The following ARHGAP5 variants were observed in gnomAD, a reference collection of about 807,000 sequenced individuals.
ARHGAP5 encodes Rho GTPase activating protein 5.
A neutral mutation model predicts 116.6 loss-of-function variants in ARHGAP5; 23 were observed. The ratio of observed to expected loss-of-function variants is 0.20; its 90% CI spans 0.14 to 0.28. The LOEUF is 0.28. Among genes scored for constraint, ARHGAP5 ranks in the 10% least tolerant of loss-of-function variants. The pLI is 1.00. For missense variants in ARHGAP5, 1,405 were observed against 1,774.8 expected, an observed-to-expected ratio of 0.79 and a Z score of 3.74; for synonymous variants, 574 against 602.0, an observed-to-expected ratio of 0.95 and a Z score of 0.68.
intron 3 of ARHGAP5, among the ~76,000 whole-genome samples, chr14:32,121,768 C>A (rs541720221): frequency 6.6e-6 from 1 of 151,544 alleles, no homozygotes; most frequent in East Asian, 1.9e-4. Flanking sequence ...CCACTCTCAC[C>A]CCCCCATCAA....
At chr14:32,117,338 A>C in intron 3 of ARHGAP5, 51 bp downstream of exon 3, 1 of 1,467,968 alleles carries the variant, frequency 6.8e-7, no homozygotes, top group Non-Finnish European at 9.3e-7. Context: ...TTCACTTTTG[A>C]TACACCAACA....
chr14:32,091,723 A>G lies in ARHGAP5; in HGVS notation c.1054A>G (p.Asn352Asp). ...AAGAGCTTTTAACACTCTTTTGCCA[A>G]ATCTAGAAGAGATTGAACATTTGAA... ...LPRAFNTLLPNLEEIEHLNWS... is the reference protein window; with the variant it reads ...LPRAFNTLLPDLEEIEHLNWS... Residue 352 changes from asparagine (N) to aspartate (D), a missense_variant, in exon 2 of 7, where the codon AAT becomes GAT. This residue lies in a region of ARHGAP5 where 944 missense variants were observed against 1,095.3 expected (regional missense o/e 0.86). Transcript: ENST00000345122. 2 of 1,611,546 alleles carry G rather than the reference A, an allele frequency of 1.2e-6. No homozygotes were observed. Among genetic ancestry groups the G allele is most frequent in the Non-Finnish European group, 8.5e-7 (1 of 1,179,228 alleles).
chr14:32,128,137 G>C (rs1191496321), intron 3 of ARHGAP5, among the ~76,000 whole-genome samples: 1 of 151,392 alleles, frequency 6.6e-6, no homozygotes, highest in African/African-American at 2.4e-5. Flanking sequence ...CGGCCAGGCA[G>C]AGACGCTTCT....
At position 32,141,192 on chromosome 14, in the gene ARHGAP5, G is replaced by A. The variant is rs951182493; in HGVS notation, c.3866-5071G>A. ...TCTATCCTTTTACGTTCAACATATT[G>A]TGTCTTTGGTACTGTAGTGATTGTC... On this transcript the variant is annotated intron_variant, in intron 3 of 6. Transcript: ENST00000345122. Among the ~76,000 whole-genome samples the A allele has an allele frequency of 2.0e-5, 3 of 152,032 alleles. No individual in the cohort carries two copies. The South Asian group carries it at 6.2e-4, about 32-fold the overall frequency.
At chr14:32,110,623 C>T (rs1056134681) in intron 2 of ARHGAP5, among the ~76,000 whole-genome samples, 1 of 152,122 alleles carries the variant, frequency 6.6e-6, no homozygotes, top group African/African-American at 2.4e-5. Flanking sequence ...CCAAGGCATG[C>T]AGATTGTACA....
chr14:32,115,663 C>CAA (rs60051497), intron 2 of ARHGAP5, among the ~76,000 whole-genome samples: 565 of 39,860 alleles, frequency 0.014, 18 homozygotes, highest in African/African-American at 0.04. Context: ...GACTCCGTCT[C>CAA]AAAAAAAAAA....
chr14:32,085,994 T>C (rs549178720), intron 1 of ARHGAP5, among the ~76,000 whole-genome samples: 7 of 152,318 alleles, frequency 4.6e-5, no homozygotes, highest in African/African-American at 1.2e-4. Context: ...GTAGCTGTTA[T>C]GTGGGAGGCA....
rs1350442940 is a variant in ARHGAP5 at position 32,077,401 on chromosome 14, G to A, written c.-203G>A. The A allele has an allele frequency of 1.4e-6, 1 of 704,982 alleles. No individual in the cohort carries two copies. 43.7% of individuals were successfully genotyped at this position (704,982 alleles called of 1,614,324 possible). On this transcript the variant is annotated 5_prime_UTR_variant, in exon 1 of 7. Transcript: ENST00000345122. ...CGCCGCCACCGCCGGGGCCGCTGCC[G>A]TTGAGGAGGAGACGGAGGAGACCGA...
In ARHGAP5 at chr14:32,158,196, TC is replaced by T. The variant is rs1881980879; in HGVS notation, c.*3249del. On this transcript the variant is annotated 3_prime_UTR_variant, in exon 7 of 7. Coordinates refer to ENST00000345122, the MANE Select transcript of ARHGAP5 (RefSeq NM_001030055.2). The stretch of plus-strand genomic sequence containing the variant: ...ATTGGTAAAAATTAGCTAATTTTTT[TC>T]AAGTGAAATGAAAAATAAAAATATA... The T allele has an allele frequency of 6.6e-6, 1 of 151,774 alleles. No individual in the cohort carries two copies. Among genetic ancestry groups the T allele is most frequent in the Non-Finnish European group, 1.5e-5 (1 of 67,742 alleles). The allele number at this position is 151,774 out of a possible 1,614,324, so 9.4% of individuals were successfully genotyped here.
intron 6 of ARHGAP5, among the ~76,000 whole-genome samples, chr14:32,153,406 C>CAAAAAAAAAAAAAAAAAAAAA: frequency 6.6e-5 from 1 of 15,144 alleles, no homozygotes; most frequent in Non-Finnish European, 1.4e-4. Flanking sequence ...GACTCTGTCT[C>CAAAAAAAAAAAAAAAAAAAAA]AAAAAAAAAA....
At chr14:32,147,018 A>G (rs909315697) in intron 4 of ARHGAP5, among the ~76,000 whole-genome samples, 15 of 152,224 alleles carry the variant, frequency 9.9e-5, no homozygotes, top group Non-Finnish European at 2.2e-4. Context: ...CTGAACCTGT[A>G]TAAATCCATC....
intron 1 of ARHGAP5, among the ~76,000 whole-genome samples, chr14:32,088,250 A>G (rs1239028866): frequency 1.3e-5 from 2 of 151,904 alleles, no homozygotes; most frequent in Non-Finnish European, 2.9e-5. Context: ...AAAGAGTTAT[A>G]TTTCATTATG....
Position 32,154,668 on chromosome 14 carries a change from C to G in ARHGAP5, c.4229C>G (p.Ser1410Cys). 1 of 1,613,912 alleles carries G rather than the reference C, an allele frequency of 6.2e-7. No individual in the cohort carries two copies. The highest frequency in any genetic ancestry group is 8.5e-7 in the Non-Finnish European group (1 of 1,179,836). ...KINLMTADNL[S>C]ICFWPTLMRP... ...AACCTAATGACAGCAGACAACTTAT[C>G]CATCTGTTTTTGGCCAACCTTGATG... The change falls in exon 7 of 7, where the codon TCC becomes TGC. Residue 1410 changes from serine (S) to cysteine (C), a missense_variant. Physicochemically the swap from Ser to Cys is moderately radical, Grantham distance 112. Coordinates refer to ENST00000345122, the MANE Select transcript of ARHGAP5 (RefSeq NM_001030055.2).
intron 2 of ARHGAP5, among the ~76,000 whole-genome samples, chr14:32,111,657 G>A (rs1879304472): frequency 6.6e-6 from 1 of 152,080 alleles, no homozygotes; most frequent in Non-Finnish European, 1.5e-5. Context: ...GTGTTTTGTG[G>A]TGTGTATAAT....
intron 2 of ARHGAP5, among the ~76,000 whole-genome samples, chr14:32,103,764 A>C (rs1878891160): frequency 6.6e-6 from 1 of 152,090 alleles, no homozygotes; most frequent in Non-Finnish European, 1.5e-5. Flanking sequence ...ATCTCAGCTA[A>C]AGTGTGGATG....
intron 2 of ARHGAP5, among the ~76,000 whole-genome samples, chr14:32,114,227 CAA>C (rs543034265): frequency 7.2e-6 from 1 of 139,332 alleles, no homozygotes; most frequent in Non-Finnish European, 1.6e-5. Context: ...GACTCCGTCT[CAA>C]AAAAAAAAAA....
intron 5 of ARHGAP5, among the ~76,000 whole-genome samples, chr14:32,150,605 A>G (rs562857752): frequency 6.6e-5 from 10 of 152,284 alleles, no homozygotes; most frequent in Admixed American, 2.0e-4. Flanking sequence ...CTCTTTTATC[A>G]GGAACTCATT....
chr14:32,108,338 A>G (rs377756613), intron 2 of ARHGAP5, among the ~76,000 whole-genome samples: 9 of 152,122 alleles, frequency 5.9e-5, no homozygotes, highest in African/African-American at 2.2e-4. Flanking sequence ...GTATATGTTC[A>G]TAGGAGAGGG....
At position 32,093,306 on chromosome 14, in the gene ARHGAP5, A is replaced by G. The variant is rs754375160; in HGVS notation, c.2637A>G (p.Val879=). Reference sequence around the variant, plus strand: ...CAGAAGTTCAAGACACCATTCCTGTACAGCTGGTGGCAGTTACTGACAGCC... The same window carrying G: ...CAGAAGTTCAAGACACCATTCCTGTGCAGCTGGTGGCAGTTACTGACAGCC... ...FLSEVQDTIP[V]QLVAVTDSQA... is the part of the protein sequence containing the mutation. Residue 879 remains valine, a synonymous_variant, in exon 2 of 7, where the codon GTA becomes GTG. Transcript: ENST00000345122. 1.9e-6 allele frequency: 3 copies of G among 1,613,840 alleles called. No homozygotes were observed. Among genetic ancestry groups the G allele is most frequent in the African/African-American group, 1.3e-5 (1 of 74,922 alleles).
Sources: allele counts gnomAD v4.1 joint callset (sites outside exome capture counted in the v4.1 genomes callset), GRCh38; gene constraint gnomAD v4.1.1; regional missense constraint gnomAD v4.1.1; transcripts MANE v1.5; gene names NCBI Gene and HGNC (gene_info 2026-07-23, HGNC 2026-07-21).